The following CCNI variants were observed in gnomAD, a reference collection of about 807,000 sequenced individuals.
CCNI encodes cyclin-I.
In CCNI, 14 loss-of-function variants were observed where a neutral mutation model predicts 34.1. The ratio of observed to expected loss-of-function variants is 0.41; its 90% CI spans 0.27 to 0.64. CCNI has a LOEUF of 0.64. CCNI is among the 30% of genes least tolerant of loss of function. The pLI is 0.31. For missense variants in CCNI, 385 were observed against 440.5 expected (o/e 0.87, Z 1.13); for synonymous variants, 154 against 158.4 (o/e 0.97, Z 0.21).
At chr4:77,049,074 A>G (rs1253072568) in intron 6 of CCNI, among the ~76,000 whole-genome samples, 1 of 149,782 alleles carries the variant, frequency 6.7e-6, no homozygotes, top group Non-Finnish European at 1.5e-5. Context: ...AAGTACTCAT[A>G]AACACATTCA....
rs1009590515 is a variant in CCNI, at chr4:77,047,466, CAT to C, written c.*751_*752del. The C allele has an allele frequency of 1.3e-5, 2 of 152,184 alleles. No individual in the cohort carries two copies. The highest frequency in any genetic ancestry group is 4.8e-5 in the African/African-American group (2 of 41,458). 9.4% of individuals were successfully genotyped at this position (152,184 alleles called of 1,614,324 possible). ...AAAAATCTAATTTAAGTTGTTAATA[CAT>C]GTTTCTTTGGTGAGCACCTGGATAT... On this transcript the variant is annotated 3_prime_UTR_variant, in exon 7 of 7. Transcript: ENST00000237654.
intron 6 of CCNI, among the ~76,000 whole-genome samples, chr4:77,051,947 TTTTTTTG>T (rs886184154): frequency 2.1e-5 from 3 of 145,238 alleles, no homozygotes; most frequent in Middle Eastern, 3.2e-3. Context: ...GAGGGGTCTG[TTTTTTTG>T]TTTTTTTTTT....
Position 77,075,962 on chromosome 4 carries a change from C to T in CCNI, c.-534G>A, listed in dbSNP as rs1039989871. On this transcript the variant is annotated 5_prime_UTR_variant, in exon 1 of 7. Transcript: ENST00000237654. ...AAGCGAGACAGAGGCGCTGCCGCGT[C>T]CGCTCGCGGGGAAGGCTGGGGAGGG... 1 of 151,594 alleles carries T rather than the reference C, an allele frequency of 6.6e-6. No individual in the cohort carries two copies. Among genetic ancestry groups the T allele is most frequent in the African/African-American group, 2.4e-5 (1 of 41,268 alleles). The allele number at this position is 151,594 out of a possible 1,614,324, so 9.4% of individuals were successfully genotyped here.
Position 77,075,474 on chromosome 4 carries a change from T to G in CCNI, c.-46A>C, listed in dbSNP as rs1729856141. 1 of 539,742 alleles carries G rather than the reference T, an allele frequency of 1.9e-6. No homozygotes were observed. The highest frequency in any genetic ancestry group is 2.4e-6 in the Non-Finnish European group (1 of 423,138). The allele number at this position is 539,742 out of a possible 1,614,324, so 33.4% of individuals were successfully genotyped here. On this transcript the variant is annotated splice_region_variant and 5_prime_UTR_variant, in exon 1 of 7. Transcript: ENST00000237654. Reference sequence around the variant, plus strand: ...CCGCCCCCGCCCCCGCCCCTCACCTTCTCCTCCTCTTCCTCCTCCTCCTCC... The same window carrying G: ...CCGCCCCCGCCCCCGCCCCTCACCTGCTCCTCCTCTTCCTCCTCCTCCTCC...
intron 2 of CCNI, among the ~76,000 whole-genome samples, chr4:77,064,559 T>C (rs1330830758): frequency 1.4e-5 from 2 of 146,492 alleles, no homozygotes; most frequent in African/African-American, 5.1e-5. Flanking sequence ...TCCCAACTAA[T>C]CTAAAAATCA....
At chr4:77,055,412 A>G in intron 5 of CCNI, 32 bp from the exon 6 acceptor site, 2 of 1,376,632 alleles carry the variant, frequency 1.5e-6, no homozygotes, top group Non-Finnish European at 2.1e-6. Context: ...TTTTAACTTT[A>G]TTTAAATATC....
At chr4:77,056,228 T>C (rs1309438619) in intron 4 of CCNI, 21 bp downstream of exon 4, 20 of 1,606,158 alleles carry the variant, frequency 1.2e-5, no homozygotes, top group Admixed American at 3.4e-5. Flanking sequence ...GAAGAAACAT[T>C]ATCTTGAAAG....
intron 6 of CCNI, among the ~76,000 whole-genome samples, chr4:77,052,976 G>A (rs989586285): frequency 6.6e-6 from 1 of 151,896 alleles, no homozygotes; most frequent in Non-Finnish European, 1.5e-5. Context: ...TACTACATGG[G>A]GCATATCTCT....
intron 6 of CCNI, among the ~76,000 whole-genome samples, chr4:77,049,669 A>G (rs1578230349): frequency 6.7e-6 from 1 of 149,230 alleles, no homozygotes; most frequent in African/African-American, 2.6e-5. Flanking sequence ...CAGACAGAGC[A>G]AGACTCTGTC....
chr4:77,050,400 T>C (rs1470092321), intron 6 of CCNI, among the ~76,000 whole-genome samples: 4 of 152,092 alleles, frequency 2.6e-5, no homozygotes, highest in Admixed American at 2.0e-4. Context: ...CAAGAACACA[T>C]TTGGTCACAA....
intron 3 of CCNI, among the ~76,000 whole-genome samples, chr4:77,057,144 AAC>A (rs1728299708): frequency 6.6e-6 from 1 of 150,762 alleles, no homozygotes; most frequent in African/African-American, 2.4e-5. Context: ...TTATCTCAGC[AAC>A]AAGTCCACAT....
At chr4:77,054,172 G>C (rs1207811934) in intron 6 of CCNI, among the ~76,000 whole-genome samples, 1 of 152,042 alleles carries the variant, frequency 6.6e-6, no homozygotes, top group Non-Finnish European at 1.5e-5. Context: ...TTTGCTATAA[G>C]ATCAATTATA....
intron 1 of CCNI, chr4:77,075,147 A>AC (rs1729808681): frequency 2.0e-5 from 3 of 152,180 alleles, no homozygotes; most frequent in African/African-American, 7.2e-5. Flanking sequence ...ACGGGCTCGT[A>AC]GAGCCTCCAA....
rs568187181 is a variant in CCNI, at chr4:77,048,047, C to T, written c.*172G>A. 39 of 447,498 alleles carry T rather than the reference C, an allele frequency of 8.7e-5. 1 individual carries two copies. The highest frequency in any genetic ancestry group is 7.3e-4 in the South Asian group (15 of 20,504). The allele number at this position is 447,498 out of a possible 1,614,324, so 27.7% of individuals were successfully genotyped here. On this transcript the variant is annotated 3_prime_UTR_variant, in exon 7 of 7. Coordinates refer to ENST00000237654, the MANE Select transcript of CCNI (RefSeq NM_006835.3). Reference sequence around the variant, plus strand: ...TTTTGGTCTTTATGTGCTTAAATAACGCTGAATTATAATTAGCCACACAAA... The same window carrying T: ...TTTTGGTCTTTATGTGCTTAAATAATGCTGAATTATAATTAGCCACACAAA...
Position 77,048,157 on chromosome 4 carries a change from G to GCATGTTCT in CCNI, c.*54_*61dup. ...TCCTTCTACAGCCTTTCCTGATTTT[G>GCATGTTCT]CATGTTCTCATTCCCAAAGTAGTCT... On this transcript the variant is annotated 3_prime_UTR_variant, in exon 7 of 7. Coordinates refer to ENST00000237654, the MANE Select transcript of CCNI (RefSeq NM_006835.3). 7.8e-7 allele frequency: 1 copy of GCATGTTCT among 1,276,890 alleles called. No homozygotes were observed. Among genetic ancestry groups the GCATGTTCT allele is most frequent in the Non-Finnish European group, 1.1e-6 (1 of 905,450 alleles). The allele number at this position is 1,276,890 out of a possible 1,614,324, so 79.1% of individuals were successfully genotyped here. A position where few individuals can be genotyped will look rare whatever the true frequency, so the allele number is the denominator to read the frequency against.
At chr4:77,062,269 A>T (rs1473094741) in intron 2 of CCNI, among the ~76,000 whole-genome samples, 2 of 152,216 alleles carry the variant, frequency 1.3e-5, no homozygotes, top group Non-Finnish European at 2.9e-5. Context: ...AACGTTCAAC[A>T]TTTTTTTAAA....
chr4:77,075,585 G>A lies in CCNI; in HGVS notation c.-157C>T. 1 of 988,138 alleles carries A rather than the reference G, an allele frequency of 1.0e-6. No individual in the cohort carries two copies. The highest frequency in any genetic ancestry group is 1.2e-6 in the Non-Finnish European group (1 of 830,368). The allele number at this position is 988,138 out of a possible 1,614,324, so 61.2% of individuals were successfully genotyped here. On this transcript the variant is annotated 5_prime_UTR_variant, in exon 1 of 7. Transcript: ENST00000237654. ...ACCTCATTCTCATAGGCGCGCGGAG[G>A]CGGTGCGCGCGGGACGACTCGGCCA...
At chr4:77,057,413 G>C (rs928530750) in intron 3 of CCNI, among the ~76,000 whole-genome samples, 2 of 152,140 alleles carry the variant, frequency 1.3e-5, no homozygotes, top group African/African-American at 4.8e-5. Context: ...ATTGGGTCCT[G>C]TCATGTTTAG....
At chr4:77,065,755 CAG>C (rs1728987166) in intron 2 of CCNI, among the ~76,000 whole-genome samples, 1 of 152,178 alleles carries the variant, frequency 6.6e-6, no homozygotes, top group Non-Finnish European at 1.5e-5. Flanking sequence ...CAAACAAAAA[CAG>C]TTAACTCTTG....
Sources: gnomAD v4.1 joint callset for allele counts (sites outside exome capture counted in the v4.1 genomes callset) on GRCh38, gnomAD v4.1.1 for gene constraint, MANE v1.5 for transcripts, NCBI Gene and HGNC (gene_info 2026-07-23, HGNC 2026-07-21) for gene names.